The following INPP5F variants were observed in gnomAD, a reference collection of about 807,000 sequenced individuals.
The protein encoded by INPP5F is phosphatidylinositide 4-phosphatase SAC2.
INPP5F carries 97 observed loss-of-function variants against 137.2 expected under a neutral mutation model. That is an observed-to-expected ratio of 0.71 (90% confidence interval 0.60 to 0.84). INPP5F has a LOEUF of 0.84. Among genes scored for constraint, INPP5F ranks in the 40% least tolerant of loss-of-function variants. INPP5F has a pLI of 0.00. For synonymous variants in INPP5F, 504 were observed against 476.9 expected (o/e 1.06, Z -0.74); for missense variants, 1,271 against 1,371.9 (o/e 0.93, Z 1.16).
Position 119,765,860 on chromosome 10 carries a change from A to G in INPP5F, c.178+14704A>G, listed in dbSNP as rs1383160494. Among the ~76,000 whole-genome samples the G allele has an allele frequency of 1.2e-4, 7 of 60,720 alleles. No homozygotes were observed. In the East Asian group the frequency reaches 1.5e-3, roughly 13 times the overall value. 39.8% of individuals were successfully genotyped at this position (60,720 alleles called of 152,430 possible). The stretch of plus-strand genomic sequence containing the variant: ...ACTAATTAATCTCTCTGTATACACT[A>G]TATACTATATATATATATATAGAGA... On this transcript the variant is annotated intron_variant, in intron 2 of 19. Transcript: ENST00000650623.
intron 2 of INPP5F, among the ~76,000 whole-genome samples, chr10:119,772,422 T>TCAG (rs1849393196): frequency 2.0e-5 from 3 of 152,076 alleles, no homozygotes; most frequent in Middle Eastern, 3.2e-3. Flanking sequence ...TACAGCTCTT[T>TCAG]CTATTTCGTA....
At chr10:119,801,169 A>G (rs1850577955) in intron 9 of INPP5F, among the ~76,000 whole-genome samples, 1 of 152,240 alleles carries the variant, frequency 6.6e-6, no homozygotes, top group Non-Finnish European at 1.5e-5. Flanking sequence ...AGTATTGAAT[A>G]TAAATGATGG....
intron 9 of INPP5F, among the ~76,000 whole-genome samples, chr10:119,800,706 A>G (rs1186582888): frequency 6.6e-6 from 1 of 152,140 alleles, no homozygotes; most frequent in South Asian, 2.1e-4. Flanking sequence ...AATGCAAATT[A>G]AAGCCGCTAC....
chr10:119,745,058 A>G (rs78664793), intron 1 of INPP5F, among the ~76,000 whole-genome samples: 5 of 152,162 alleles, frequency 3.3e-5, no homozygotes, highest in African/African-American at 1.2e-4. Flanking sequence ...CATGGTTCAC[A>G]ATGCCAAAGA....
intron 2 of INPP5F, among the ~76,000 whole-genome samples, chr10:119,775,184 A>G (rs531443065): frequency 4.5e-4 from 68 of 152,236 alleles, no homozygotes; most frequent in African/African-American, 1.6e-3. Flanking sequence ...AAAATTTTAT[A>G]TATTTGATTA....
chr10:119,757,878 A>G, intron 2 of INPP5F, among the ~76,000 whole-genome samples: 1 of 152,118 alleles, frequency 6.6e-6, no homozygotes, highest in East Asian at 1.9e-4. Flanking sequence ...CTTCTCATGG[A>G]AATAACCTCC....
At chr10:119,750,439 T>G (rs12358264) in intron 1 of INPP5F, among the ~76,000 whole-genome samples, 804 of 152,330 alleles carry the variant, frequency 5.3e-3, no homozygotes, top group Middle Eastern at 0.017. Context: ...GTGTCTAGAA[T>G]GGAACCAGCT....
intron 2 of INPP5F, among the ~76,000 whole-genome samples, chr10:119,768,780 C>A (rs1313541342): frequency 6.6e-6 from 1 of 152,186 alleles, no homozygotes; most frequent in African/African-American, 2.4e-5. Flanking sequence ...TTAGTAAATG[C>A]ACCTTCTCTT....
At position 119,804,409 on chromosome 10, in the gene INPP5F, T is replaced by C. The variant is rs1167614226; in HGVS notation, c.1241+112T>C. ...TGGGAATAAAAATTTCTTCTCATTG[T>C]TGGAAAGAAAAAGGGTATCATTCAT... is the stretch of plus-strand genomic sequence containing the variant. On this transcript the variant is annotated intron_variant, in intron 10 of 19. Coordinates refer to ENST00000650623, the MANE Select transcript of INPP5F (RefSeq NM_014937.4). 39 of 951,120 alleles carry C rather than the reference T, an allele frequency of 4.1e-5. No individual in the cohort carries two copies. In the East Asian group the frequency reaches 1.1e-3, roughly 26 times the overall value. The allele number at this position is 951,120 out of a possible 1,614,324, so 58.9% of individuals were successfully genotyped here.
At position 119,826,902 on chromosome 10, in the gene INPP5F, G is replaced by A. The variant is rs1297121714; in HGVS notation, c.2521G>A (p.Asp841Asn). 1 of 1,614,132 alleles carries A rather than the reference G, an allele frequency of 6.2e-7. No homozygotes were observed. The highest frequency in any genetic ancestry group is 1.7e-5 in the Admixed American group (1 of 60,020). Residue 841 changes from aspartate to asparagine, a missense_variant, in exon 20 of 20, where the codon GAT (aspartate) becomes AAT (asparagine). This residue lies in a region of INPP5F where 490 missense variants were observed against 443.7 expected (regional missense o/e 1.10). Coordinates refer to ENST00000650623, the MANE Select transcript of INPP5F (RefSeq NM_014937.4). ...AACTATGGAAAACACAGGAGTGATG[G>A]ATAAGGTTCAGGCAGAGTCTGATGG... ...LETMENTGVMDKVQAESDGDM... is the reference protein window; with the variant it reads ...LETMENTGVMNKVQAESDGDM...
chr10:119,789,358 A>G lies in INPP5F; in HGVS notation c.316-2159A>G, dbSNP rs1246513309. Reference sequence around the variant, plus strand: ...AAAAGAGTTATTCATATGACTAATCACTGATATTTTATATAAAAATTGCTA... The same window carrying G: ...AAAAGAGTTATTCATATGACTAATCGCTGATATTTTATATAAAAATTGCTA... On this transcript the variant is annotated intron_variant, in intron 3 of 19. Coordinates refer to ENST00000650623, the MANE Select transcript of INPP5F (RefSeq NM_014937.4). Among the ~76,000 whole-genome samples, 6 of 152,162 alleles carry G rather than the reference A, an allele frequency of 3.9e-5. No individual in the cohort carries two copies. The East Asian group carries it at 1.2e-3, about 29-fold the overall frequency.
chr10:119,788,381 G>A (rs947801039), intron 3 of INPP5F, among the ~76,000 whole-genome samples: 12 of 152,282 alleles, frequency 7.9e-5, no homozygotes, highest in African/African-American at 2.9e-4. Flanking sequence ...GTAGAACACT[G>A]GGAATACCAT....
rs986781857 is a variant in INPP5F at position 119,748,590 on chromosome 10, C to T, written c.98-2486C>T. Among the ~76,000 whole-genome samples, 2 of 152,136 alleles carry T rather than the reference C, an allele frequency of 1.3e-5. No homozygotes were observed. Among genetic ancestry groups the T allele is most frequent in the African/African-American group, 4.8e-5 (2 of 41,426 alleles). On this transcript the variant is annotated intron_variant, in intron 1 of 19. Coordinates refer to ENST00000650623, the MANE Select transcript of INPP5F (RefSeq NM_014937.4). This position sits in a 1 kb window ranked among gnomAD's most constrained non-coding sequence, Gnocchi z 4.7. ...TCAGGAGACCTGAAGTGGGTAGCTC[C>T]TTTTTGCAGGCAGGTCATCCAATGA... is the stretch of plus-strand genomic sequence containing the variant.
chr10:119,824,391 T>G (rs1851683143), intron 19 of INPP5F, among the ~76,000 whole-genome samples: 2 of 152,200 alleles, frequency 1.3e-5, no homozygotes, highest in Non-Finnish European at 2.9e-5. Context: ...AGAGTACTGG[T>G]CAGCTGTTTT....
chr10:119,729,081 C>G (rs948832284), intron 1 of INPP5F, among the ~76,000 whole-genome samples: 1 of 151,264 alleles, frequency 6.6e-6, no homozygotes, highest in Admixed American at 6.6e-5. Flanking sequence ...ATATCATTGC[C>G]TTAAAAATAA....
intron 3 of INPP5F, among the ~76,000 whole-genome samples, chr10:119,788,653 A>T (rs980513542): frequency 1.3e-5 from 2 of 152,152 alleles, no homozygotes; most frequent in Non-Finnish European, 2.9e-5. Context: ...AGTGGATTCC[A>T]TGTTTGAGGA....
In INPP5F at chr10:119,747,229, A is replaced by T. The variant is rs529088539; in HGVS notation, c.98-3847A>T. Among the ~76,000 whole-genome samples the T allele has an allele frequency of 7.5e-5, 11 of 146,282 alleles. No individual in the cohort carries two copies. The South Asian group carries it at 2.0e-3, about 26-fold the overall frequency. Reference sequence around the variant, plus strand: ...CTAAATTTTTAACTCAAAATTATTAATTTTTTTTTTTTGAGACAGAATCTT... The same window carrying T: ...CTAAATTTTTAACTCAAAATTATTATTTTTTTTTTTTTGAGACAGAATCTT... On this transcript the variant is annotated intron_variant, in intron 1 of 19. Transcript: ENST00000650623.
intron 2 of INPP5F, among the ~76,000 whole-genome samples, chr10:119,758,173 A>G (rs914408189): frequency 1.3e-5 from 2 of 152,254 alleles, no homozygotes; most frequent in African/African-American, 4.8e-5. Context: ...TCATCTGAAG[A>G]CAAGTGTGGG....
In INPP5F at chr10:119,820,933, A is replaced by T. The variant is rs1233245584; in HGVS notation, c.1958+16A>T. The T allele has an allele frequency of 6.5e-7, 1 of 1,529,962 alleles. No homozygotes were observed. The highest frequency in any genetic ancestry group is 2.2e-5 in the East Asian group (1 of 44,474). 94.8% of individuals were successfully genotyped at this position (1,529,962 alleles called of 1,614,324 possible). A position where few individuals can be genotyped will look rare whatever the true frequency, so the allele number is the denominator to read the frequency against. On this transcript the variant is annotated intron_variant, in intron 16 of 19. Transcript: ENST00000650623. ...ACGTGGCCTAGTAAGTTGCTTATTG[A>T]TTTAAAGGTTTTGATTTTGTTTTTT...
Sources: allele counts gnomAD v4.1 joint callset (sites outside exome capture counted in the v4.1 genomes callset), GRCh38; gene constraint gnomAD v4.1.1; regional missense constraint gnomAD v4.1.1; non-coding constraint Gnocchi (gnomAD v3.1); transcripts MANE v1.5; gene names NCBI Gene and HGNC (gene_info 2026-07-23, HGNC 2026-07-21).